Variants in SGCZ observed in about 807,000 individuals in gnomAD.
SGCZ encodes zeta-sarcoglycan.
SGCZ carries 40 observed loss-of-function variants against 41.3 expected under a neutral mutation model. The observed-to-expected ratio is 0.97, with a 90% CI of 0.75 to 1.26. SGCZ has a LOEUF of 1.26. Ranked by LOEUF, SGCZ falls within the 50% of genes most tolerant of loss-of-function variation. The probability of loss-of-function intolerance (pLI) is 0.00; values close to 1 mark genes in which losing one functional copy is unlikely to be tolerated. For missense variants in SGCZ, 552 were observed against 369.8 expected (o/e 1.49, Z -4.04); for synonymous variants, 206 against 137.5 (o/e 1.50, Z -3.49).
intron 1 of SGCZ, among the ~76,000 whole-genome samples, chr8:14,643,214 G>A (rs898529748): frequency 2.0e-5 from 3 of 151,758 alleles, no homozygotes; most frequent in Admixed American, 6.6e-5. Flanking sequence ...AACATAGGAA[G>A]TCAACTCCAC....
At chr8:14,510,940 G>A (rs1407848716) in intron 2 of SGCZ, among the ~76,000 whole-genome samples, 4 of 152,058 alleles carry the variant, frequency 2.6e-5, no homozygotes, top group Non-Finnish European at 4.4e-5. Flanking sequence ...TCTGAGAGAA[G>A]GTGGGAGGCT....
intron 1 of SGCZ, among the ~76,000 whole-genome samples, chr8:14,965,111 G>C (rs962197851): frequency 2.4e-4 from 36 of 152,194 alleles, no homozygotes; most frequent in African/African-American, 8.2e-4. Context: ...CAGCCTATCA[G>C]GACAATCCCG....
At chr8:14,599,785 G>A (rs182566068) in intron 1 of SGCZ, among the ~76,000 whole-genome samples, 125 of 152,150 alleles carry the variant, frequency 8.2e-4, no homozygotes, top group African/African-American at 2.4e-3. Flanking sequence ...ATCATAAGTT[G>A]TTCCCTCTCT....
rs116588441 is a variant in SGCZ at position 14,309,324 on chromosome 8, G to T, written c.336+14779C>A. ...TTTAAGGATGGTATTGAGACTATGT[G>T]GGAAGATGAGAAAAACAAATGGGGA... On this transcript the variant is annotated intron_variant, in intron 3 of 7. Coordinates refer to ENST00000382080, the MANE Select transcript of SGCZ (RefSeq NM_139167.4). 11,375 of 1,598,062 alleles carry T rather than the reference G, an allele frequency of 7.1e-3. 680 individuals are homozygous for T. In the African/African-American group the frequency reaches 0.13, roughly 18 times the overall value.
intron 1 of SGCZ, among the ~76,000 whole-genome samples, chr8:14,579,098 G>A (rs1052524910): frequency 2.6e-5 from 4 of 151,824 alleles, no homozygotes; most frequent in Admixed American, 1.3e-4. Context: ...ATTAATTTTG[G>A]GTTTCTTTCC....
intron 2 of SGCZ, among the ~76,000 whole-genome samples, chr8:14,375,780 A>G (rs1290312765): frequency 1.3e-5 from 2 of 152,192 alleles, no homozygotes; most frequent in Non-Finnish European, 2.9e-5. Flanking sequence ...AACAATGAAA[A>G]TGAATAAATT....
intron 2 of SGCZ, among the ~76,000 whole-genome samples, chr8:14,351,008 C>T (rs1168619241): frequency 6.6e-6 from 1 of 152,072 alleles, no homozygotes; most frequent in Non-Finnish European, 1.5e-5. Context: ...TAGGGTCAGT[C>T]CTCTCAGCTT....
rs549536235 is a variant in SGCZ, at chr8:15,163,898, G to C, written c.39+73687C>G. On this transcript the variant is annotated intron_variant, in intron 1 of 7. Transcript: ENST00000382080. ...ACAGCCAGGTGGGAGGGTGTCCTCA[G>C]AGAAACTCCAGCCAGCCTGCCCACT... 2.5e-3 allele frequency among the ~76,000 whole-genome samples: 375 copies of C among 152,294 alleles called. 2 individuals carry two copies. The highest frequency in any genetic ancestry group is 8.6e-3 in the African/African-American group (357 of 41,572).
At chr8:14,948,700 T>C (rs1217958955) in intron 1 of SGCZ, among the ~76,000 whole-genome samples, 1 of 152,144 alleles carries the variant, frequency 6.6e-6, no homozygotes, top group African/African-American at 2.4e-5. Context: ...AAGCCTAATG[T>C]TACTTTCATC....
intron 1 of SGCZ, among the ~76,000 whole-genome samples, chr8:14,865,958 ACT>A (rs1803916748): frequency 6.6e-6 from 1 of 151,960 alleles, no homozygotes; most frequent in African/African-American, 2.4e-5. Context: ...TAAGGACCTA[ACT>A]CTTAAGGAAT....
chr8:15,122,913 ATTC>A (rs1239712162), intron 1 of SGCZ, among the ~76,000 whole-genome samples: 3 of 152,304 alleles, frequency 2.0e-5, no homozygotes, highest in South Asian at 2.1e-4. Context: ...CATAGAAAAG[ATTC>A]TTCTTATTAT....
chr8:15,047,188 A>G (rs117222421), intron 1 of SGCZ, among the ~76,000 whole-genome samples: 5,936 of 152,122 alleles, frequency 0.039, 143 homozygotes, highest in Non-Finnish European at 0.056. Flanking sequence ...AAAAATATTA[A>G]GTGAAATACT....
At chr8:15,135,183 A>T (rs1808060316) in intron 1 of SGCZ, among the ~76,000 whole-genome samples, 1 of 152,150 alleles carries the variant, frequency 6.6e-6, no homozygotes, top group Non-Finnish European at 1.5e-5. Context: ...CATTCAGTTC[A>T]CCATTTATTT....
Position 14,363,349 on chromosome 8 carries a change from T to A in SGCZ, c.235-39145A>T, listed in dbSNP as rs147008023. 8.8e-3 allele frequency among the ~76,000 whole-genome samples: 1,338 copies of A among 152,270 alleles called. 13 individuals are homozygous for A. The highest frequency in any genetic ancestry group is 0.02 in the South Asian group (98 of 4,828). ...GACTTTCAGACTGAGACTAGACTAC[T>A]ATAGTTATGGTCTAGAGATGACATC... On this transcript the variant is annotated intron_variant, in intron 2 of 7. Coordinates refer to ENST00000382080, the MANE Select transcript of SGCZ (RefSeq NM_139167.4).
intron 1 of SGCZ, among the ~76,000 whole-genome samples, chr8:14,576,598 T>A (rs1418594593): frequency 6.6e-6 from 1 of 152,204 alleles, no homozygotes; most frequent in Admixed American, 6.5e-5. Context: ...TAGCAGTCAG[T>A]CTCTTGAAAA....
In SGCZ at chr8:15,073,076, C is replaced by A. The variant is rs577898826; in HGVS notation, c.39+164509G>T. On this transcript the variant is annotated intron_variant, in intron 1 of 7. Coordinates refer to ENST00000382080, the MANE Select transcript of SGCZ (RefSeq NM_139167.4). The stretch of plus-strand genomic sequence containing the variant: ...TGTTCGGTTTCCTGTATACTGATCA[C>A]AGCTCATGTCAGCATGGGCTTCATG... Among the ~76,000 whole-genome samples, 8 of 152,226 alleles carry A rather than the reference C, an allele frequency of 5.3e-5. No individual in the cohort carries two copies. In the East Asian group the frequency reaches 1.5e-3, roughly 29 times the overall value.
chr8:14,868,050 A>G (rs1803997123), intron 1 of SGCZ, among the ~76,000 whole-genome samples: 1 of 152,140 alleles, frequency 6.6e-6, no homozygotes, highest in Admixed American at 6.5e-5. Flanking sequence ...TTTCAGACAT[A>G]CTTAGCTAAT....
At chr8:14,793,810 G>A (rs1308555762) in intron 1 of SGCZ, among the ~76,000 whole-genome samples, 1 of 152,206 alleles carries the variant, frequency 6.6e-6, no homozygotes, top group African/African-American at 2.4e-5. Flanking sequence ...CAGAAGTCTA[G>A]AGATTTTCTA....
chr8:14,823,443 A>G (rs565069989), intron 1 of SGCZ, among the ~76,000 whole-genome samples: 1 of 152,346 alleles, frequency 6.6e-6, no homozygotes, highest in East Asian at 1.9e-4. Context: ...ATTTCTCAAA[A>G]AAATACATAA....
Sources: allele counts gnomAD v4.1 joint callset (sites outside exome capture counted in the v4.1 genomes callset), GRCh38; gene constraint gnomAD v4.1.1; transcripts MANE v1.5; gene names NCBI Gene and HGNC (gene_info 2026-07-23, HGNC 2026-07-21).